Variants in EYA2 observed in about 807,000 individuals in gnomAD.
EYA2 encodes the protein EYA transcriptional coactivator and phosphatase 2, also known as protein phosphatase EYA2.
EYA2 carries 31 observed loss-of-function variants against 69.2 expected under a neutral mutation model. The ratio of observed to expected loss-of-function variants is 0.45; its 90% CI spans 0.34 to 0.60. The LOEUF (loss-of-function observed/expected upper bound fraction) is 0.60. EYA2 is among the 20% of genes least tolerant of loss of function. EYA2 has a pLI of 0.02. For synonymous variants in EYA2, 257 were observed against 279.4 expected (o/e 0.92, Z 0.80); for missense variants, 622 against 701.2 (o/e 0.89, Z 1.28).
intron 4 of EYA2, among the ~76,000 whole-genome samples, chr20:47,006,043 C>T (rs995871900): frequency 6.6e-6 from 1 of 152,236 alleles, no homozygotes; most frequent in Non-Finnish European, 1.5e-5. Flanking sequence ...TATCAGGACT[C>T]AGCCTCTGCT....
intron 2 of EYA2, among the ~76,000 whole-genome samples, chr20:46,992,337 A>C (rs1981731806): frequency 6.6e-6 from 1 of 152,218 alleles, no homozygotes; most frequent in Non-Finnish European, 1.5e-5. Flanking sequence ...TTGAGATGGC[A>C]CAGGTGATAG....
At chr20:46,956,959 A>AC (rs1319275717) in intron 1 of EYA2, among the ~76,000 whole-genome samples, 16 of 152,190 alleles carry the variant, frequency 1.1e-4, no homozygotes, top group Non-Finnish European at 2.1e-4. Context: ...CAAGAACAGC[A>AC]TGGGAAAAAC....
intron 7 of EYA2, among the ~76,000 whole-genome samples, chr20:47,088,484 A>G (rs1418691502): frequency 6.6e-6 from 1 of 152,186 alleles, no homozygotes; most frequent in Non-Finnish European, 1.5e-5. Context: ...TACAGCATCC[A>G]GTGGCCCCTC....
At chr20:47,108,926 T>C (rs2032671332) in intron 9 of EYA2, among the ~76,000 whole-genome samples, 1 of 151,998 alleles carries the variant, frequency 6.6e-6, no homozygotes, top group Admixed American at 6.6e-5. Flanking sequence ...CAGGTTGGAA[T>C]CCTGGCGATG....
At chr20:47,086,102 C>G (rs981687719) in intron 7 of EYA2, among the ~76,000 whole-genome samples, 3 of 152,226 alleles carry the variant, frequency 2.0e-5, no homozygotes, top group African/African-American at 7.2e-5. Flanking sequence ...TCCTGTGGAT[C>G]TCTGACTGTG....
intron 10 of EYA2, among the ~76,000 whole-genome samples, chr20:47,150,692 C>T (rs1165143787): frequency 2.0e-5 from 3 of 151,974 alleles, no homozygotes; most frequent in East Asian, 2.0e-4. Flanking sequence ...GTCTCAAATT[C>T]GTAGTCTCAA....
intron 9 of EYA2, among the ~76,000 whole-genome samples, chr20:47,126,815 C>A (rs1305689940): frequency 1.3e-5 from 2 of 152,070 alleles, no homozygotes. Context: ...ACTGGGTAGG[C>A]GTGCTACTGA....
At chr20:47,076,708 G>A (rs991989669) in intron 7 of EYA2, among the ~76,000 whole-genome samples, 1 of 152,108 alleles carries the variant, frequency 6.6e-6, no homozygotes, top group African/African-American at 2.4e-5. Flanking sequence ...GATGTACAGG[G>A]GTTTAGAGCT....
chr20:47,092,561 A>G (rs1350713636), intron 8 of EYA2, among the ~76,000 whole-genome samples: 1 of 152,198 alleles, frequency 6.6e-6, no homozygotes, highest in African/African-American at 2.4e-5. Flanking sequence ...CCTCCCCACA[A>G]GAAAATTATT....
chr20:47,089,842 C>A (rs1158694501), intron 8 of EYA2, among the ~76,000 whole-genome samples: 2 of 152,046 alleles, frequency 1.3e-5, no homozygotes, highest in Non-Finnish European at 2.9e-5. Context: ...ATCTGGGATG[C>A]TCTTTAAAAA....
chr20:47,095,022 T>C (rs77762289), intron 8 of EYA2, among the ~76,000 whole-genome samples: 1 of 151,394 alleles, frequency 6.6e-6, no homozygotes, highest in East Asian at 1.9e-4. Flanking sequence ...TCAAAAAAAA[T>C]TTTTTTAATT....
chr20:47,017,108 T>C (rs1983458246), intron 5 of EYA2, among the ~76,000 whole-genome samples: 1 of 152,226 alleles, frequency 6.6e-6, no homozygotes, highest in African/African-American at 2.4e-5. Context: ...GGTTCTCCCA[T>C]GCTCATCTCC....
intron 7 of EYA2, among the ~76,000 whole-genome samples, chr20:47,087,775 C>G (rs745471594): frequency 6.6e-6 from 1 of 152,236 alleles, no homozygotes; most frequent in Non-Finnish European, 1.5e-5. Flanking sequence ...TGCTGCGTCT[C>G]TCACTAATCC....
At chr20:47,059,680 G>T (rs1464710367) in intron 5 of EYA2, among the ~76,000 whole-genome samples, 2 of 152,182 alleles carry the variant, frequency 1.3e-5, no homozygotes, top group South Asian at 4.1e-4. Flanking sequence ...CCATTCTTCT[G>T]GGAAAGTGAG....
intron 9 of EYA2, chr20:47,117,640 G>A (rs1600721456): frequency 1.0e-6 from 1 of 985,132 alleles, no homozygotes; most frequent in Non-Finnish European, 1.2e-6. Flanking sequence ...AAACTGAGAA[G>A]AAATAAAAAG....
At chr20:47,057,878 A>G (rs1232120184) in intron 5 of EYA2, among the ~76,000 whole-genome samples, 1 of 152,220 alleles carries the variant, frequency 6.6e-6, no homozygotes, top group Non-Finnish European at 1.5e-5. Context: ...GCTGGGAGTC[A>G]GGCTGACCTG....
At chr20:46,948,996 T>G (rs573657161) in intron 1 of EYA2, among the ~76,000 whole-genome samples, 11 of 152,348 alleles carry the variant, frequency 7.2e-5, no homozygotes, top group Non-Finnish European at 1.2e-4. Context: ...AGGTGGGTGC[T>G]AATGTTACTC....
chr20:47,053,937 T>C (rs1282812452), intron 5 of EYA2, among the ~76,000 whole-genome samples: 3 of 151,268 alleles, frequency 2.0e-5, no homozygotes, highest in Admixed American at 6.6e-5. Flanking sequence ...GCAGTCAGCA[T>C]CCCAGCTCGG....
intron 1 of EYA2, among the ~76,000 whole-genome samples, chr20:46,965,125 G>A (rs547175700): frequency 3.3e-5 from 5 of 152,200 alleles, no homozygotes; most frequent in African/African-American, 9.6e-5. Flanking sequence ...TGGTACCAGC[G>A]CTGGCTCTTG....
Sources: allele counts gnomAD v4.1 joint callset (sites outside exome capture counted in the v4.1 genomes callset), GRCh38; gene constraint gnomAD v4.1.1; transcripts MANE v1.5; gene names NCBI Gene and HGNC (gene_info 2026-07-23, HGNC 2026-07-21).